KIRREL3: variants seen among roughly 807,000 people sequenced by gnomAD.
KIRREL3 encodes kirre like nephrin family adhesion molecule 3, also known as kin of IRRE-like protein 3.
In KIRREL3, 36 loss-of-function variants were observed where a neutral mutation model predicts 89.7. The observed-to-expected ratio is 0.40, with a 90% confidence interval of 0.31 to 0.53. The LOEUF is 0.53. Among genes scored for constraint, KIRREL3 ranks in the 20% least tolerant of loss-of-function variants. The pLI is 0.49. For synonymous variants in KIRREL3, 445 were observed against 441.4 expected (o/e 1.01, Z -0.10); for missense variants, 864 against 1,056.6 (o/e 0.82, Z 2.53).
At position 126,965,129 on chromosome 11, in the gene KIRREL3, A is replaced by G. The variant is rs1157614069; in HGVS notation, c.55+35326T>C. 6.6e-6 allele frequency among the ~76,000 whole-genome samples: 1 copy of G among 152,234 alleles called. No homozygotes were observed. Among genetic ancestry groups the G allele is most frequent in the Non-Finnish European group, 1.5e-5 (1 of 68,038 alleles). ...AAAGCGGCTCAAGAACAGAGAGATA[A>G]AATGGAGATAAGTGTGAGTTAGGAG... is the stretch of plus-strand genomic sequence containing the variant. On this transcript the variant is annotated intron_variant, in intron 1 of 16. Coordinates refer to ENST00000525144, the MANE Select transcript of KIRREL3 (RefSeq NM_032531.4). This position sits in a 1 kb window ranked among gnomAD's most constrained non-coding sequence, Gnocchi z 4.4.
In KIRREL3 at chr11:126,440,463, G is replaced by A. The variant is rs775638535; in HGVS notation, c.1339C>T (p.Pro447Ser). ...QIKCFIRSTP[P>S]PDRIAWSWKE... ...GGAGCACTCACGATGCGGTCCGGCG[G>A]CGGCGTGCTCCGGATGAAGCACTTG... Residue 447 changes from proline to serine, a missense_variant, in exon 11 of 17, where the codon CCG (proline) becomes TCG (serine). Transcript: ENST00000525144. The A allele has an allele frequency of 1.7e-4, 272 of 1,581,756 alleles. 1 individual carries two copies. The highest frequency in any genetic ancestry group is 2.3e-4 in the Non-Finnish European group (268 of 1,164,822).
Position 126,537,448 on chromosome 11 carries a change from A to G in KIRREL3, c.134-10761T>C, listed in dbSNP as rs1198908700. Among the ~76,000 whole-genome samples, 1 of 152,200 alleles carries G rather than the reference A, an allele frequency of 6.6e-6. No homozygotes were observed. The highest frequency in any genetic ancestry group is 6.5e-5 in the Admixed American group (1 of 15,286). On this transcript the variant is annotated intron_variant, in intron 2 of 16. Transcript: ENST00000525144. This position sits in a 1 kb window ranked among gnomAD's most constrained non-coding sequence, Gnocchi z 4.3. ...GGAGGAAGCAGAGAAGGCATCCTGG[A>G]GGAGGAATCATAATATGGGGAAAGT...
chr11:126,461,953 G>A (rs552839939), intron 6 of KIRREL3, among the ~76,000 whole-genome samples: 18 of 152,214 alleles, frequency 1.2e-4, no homozygotes, highest in African/African-American at 4.1e-4. Flanking sequence ...TTGCAGTAGC[G>A]TTATGTTTGG....
In KIRREL3 at chr11:126,710,629, G is replaced by T. The variant is rs1357115499; in HGVS notation, c.56-147717C>A. Among the ~76,000 whole-genome samples, 1 of 152,146 alleles carries T rather than the reference G, an allele frequency of 6.6e-6. No individual in the cohort carries two copies. Among genetic ancestry groups the T allele is most frequent in the African/African-American group, 2.4e-5 (1 of 41,430 alleles). The stretch of plus-strand genomic sequence containing the variant: ...GGCAGGCACCCCTTCTCTGTCCTCA[G>T]CTGGGGACCCCTCTCATCCCACTTG... On this transcript the variant is annotated intron_variant, in intron 1 of 16. Transcript: ENST00000525144. The surrounding 1 kb of genome is among the most constrained non-coding windows in gnomAD (Gnocchi z 4.2).
In KIRREL3 at chr11:126,562,259, G is replaced by A. The variant is rs550035335; in HGVS notation, c.133+576C>T. Among the ~76,000 whole-genome samples, 18 of 152,200 alleles carry A rather than the reference G, an allele frequency of 1.2e-4. No homozygotes were observed. Among genetic ancestry groups the A allele is most frequent in the South Asian group, 6.2e-4 (3 of 4,814 alleles). On this transcript the variant is annotated intron_variant, in intron 2 of 16. Coordinates refer to ENST00000525144, the MANE Select transcript of KIRREL3 (RefSeq NM_032531.4). This position sits in a 1 kb window ranked among gnomAD's most constrained non-coding sequence, Gnocchi z 4.7. The stretch of plus-strand genomic sequence containing the variant: ...ATGCCAATGTCAACACGTTTCTCAA[G>A]CCTTCAGTGACCCAATGAAGCCAGT...
At chr11:126,533,227 G>T (rs1958996575) in intron 2 of KIRREL3, among the ~76,000 whole-genome samples, 1 of 152,184 alleles carries the variant, frequency 6.6e-6, no homozygotes, top group Admixed American at 6.5e-5. Context: ...TGAAGATGAG[G>T]TTGTCTGGGG....
chr11:126,736,616 C>G lies in KIRREL3; in HGVS notation c.56-173704G>C, dbSNP rs1000599354. ...GAGTAGGGGTACCTGCTCCTGGCCT[C>G]CAGTGAGGAGCCCAGGGTGCTGCTA... On this transcript the variant is annotated intron_variant, in intron 1 of 16. Transcript: ENST00000525144. The surrounding 1 kb of genome is among the most constrained non-coding windows in gnomAD (Gnocchi z 5.0). Among the ~76,000 whole-genome samples the G allele has an allele frequency of 6.6e-6, 1 of 152,092 alleles. No homozygotes were observed.
chr11:126,895,714 G>A (rs899014674), intron 1 of KIRREL3, among the ~76,000 whole-genome samples: 4 of 152,140 alleles, frequency 2.6e-5, no homozygotes, highest in Admixed American at 6.5e-5. Flanking sequence ...TGCATGGAGT[G>A]TTGCATTCCC....
At position 126,537,647 on chromosome 11, in the gene KIRREL3, G is replaced by A. The variant is rs117932367; in HGVS notation, c.134-10960C>T. ...CAGTCAGCCCTAGGAAGGAACTCTG[G>A]CCCTGTACCTAGCAGTGTGATCTGA... On this transcript the variant is annotated intron_variant, in intron 2 of 16. Transcript: ENST00000525144. The surrounding 1 kb of genome is among the most constrained non-coding windows in gnomAD (Gnocchi z 4.3). 0.014 allele frequency among the ~76,000 whole-genome samples: 2,080 copies of A among 152,250 alleles called. 28 individuals carry two copies. Among genetic ancestry groups the A allele is most frequent in the Middle Eastern group, 0.024 (7 of 294 alleles).
chr11:126,510,139 G>C (rs2134394192), intron 4 of KIRREL3, among the ~76,000 whole-genome samples: 1 of 152,180 alleles, frequency 6.6e-6, no homozygotes, highest in South Asian at 2.1e-4. Flanking sequence ...AAACTGCTCT[G>C]GGGACAGCTG....
At chr11:126,864,427 G>T (rs1944853012) in intron 1 of KIRREL3, among the ~76,000 whole-genome samples, 1 of 152,220 alleles carries the variant, frequency 6.6e-6, no homozygotes, top group South Asian at 2.1e-4. Context: ...CAGTATGCCT[G>T]CCTGGCCATG....
Position 126,976,622 on chromosome 11 carries a change from T to A in KIRREL3, c.55+23833A>T, listed in dbSNP as rs1351610529. On this transcript the variant is annotated intron_variant, in intron 1 of 16. Coordinates refer to ENST00000525144, the MANE Select transcript of KIRREL3 (RefSeq NM_032531.4). The surrounding 1 kb of genome is among the most constrained non-coding windows in gnomAD (Gnocchi z 4.2). ...AAGTTAATTTTGTTGAATCTAGTAA[T>A]CAGATTTGTTTTAAACATACCATAA... 6.6e-6 allele frequency among the ~76,000 whole-genome samples: 1 copy of A among 152,254 alleles called. No individual in the cohort carries two copies.
chr11:126,630,959 C>T (rs1200447645), intron 1 of KIRREL3, among the ~76,000 whole-genome samples: 3 of 152,154 alleles, frequency 2.0e-5, no homozygotes, highest in Non-Finnish European at 4.4e-5. Flanking sequence ...GAGACAGAGG[C>T]CCTTTCTCCT....
In KIRREL3 at chr11:126,653,747, G is replaced by A. The variant is rs1228152712; in HGVS notation, c.56-90835C>T. 1.3e-5 allele frequency among the ~76,000 whole-genome samples: 2 copies of A among 152,158 alleles called. No homozygotes were observed. Among genetic ancestry groups the A allele is most frequent in the Admixed American group, 6.5e-5 (1 of 15,280 alleles). On this transcript the variant is annotated intron_variant, in intron 1 of 16. Coordinates refer to ENST00000525144, the MANE Select transcript of KIRREL3 (RefSeq NM_032531.4). The surrounding 1 kb of genome is among the most constrained non-coding windows in gnomAD (Gnocchi z 5.4). The stretch of plus-strand genomic sequence containing the variant: ...GCTGAGGCCAAGCCCCAAAGTTCAC[G>A]GACATTCCATAAAAAGTGCACGGTG...
rs559790431 is a variant in KIRREL3, at chr11:126,896,978, T to C, written c.55+103477A>G. On this transcript the variant is annotated intron_variant, in intron 1 of 16. Coordinates refer to ENST00000525144, the MANE Select transcript of KIRREL3 (RefSeq NM_032531.4). The surrounding 1 kb of genome is among the most constrained non-coding windows in gnomAD (Gnocchi z 4.1). ...CTAAGACTTTGCAGAATCAAAAGAT[T>C]CTAAGAAGAGGCCAGGGAAAGAGCA... Among the ~76,000 whole-genome samples, 1 of 152,266 alleles carries C rather than the reference T, an allele frequency of 6.6e-6. No homozygotes were observed. The highest frequency in any genetic ancestry group is 2.1e-4 in the South Asian group (1 of 4,820).
intron 8 of KIRREL3, among the ~76,000 whole-genome samples, chr11:126,448,014 C>T (rs1207006919): frequency 5.9e-5 from 9 of 152,168 alleles, no homozygotes; most frequent in South Asian, 4.1e-4. Context: ...TGGGCAGGTG[C>T]GGTGGCTCAT....
At chr11:126,799,390 CTG>C (rs1185230115) in intron 1 of KIRREL3, among the ~76,000 whole-genome samples, 3 of 4,284 alleles carry the variant, frequency 7.0e-4, no homozygotes, top group Non-Finnish European at 1.2e-3. Context: ...ATGCGTGTAT[CTG>C]TGTGTGCATC....
chr11:126,648,488 C>T (rs900781436), intron 1 of KIRREL3, among the ~76,000 whole-genome samples: 18 of 152,306 alleles, frequency 1.2e-4, no homozygotes, highest in African/African-American at 2.9e-4. Context: ...GTGCACCCCA[C>T]GCCTATAGGA....
chr11:126,949,489 G>A (rs1173264709), intron 1 of KIRREL3, among the ~76,000 whole-genome samples: 1 of 152,210 alleles, frequency 6.6e-6, no homozygotes, highest in Non-Finnish European at 1.5e-5. Flanking sequence ...CCCATGGAGG[G>A]ACACAAAGAT....
Sources: gnomAD v4.1 joint callset for allele counts (sites outside exome capture counted in the v4.1 genomes callset) on GRCh38, gnomAD v4.1.1 for gene constraint, Gnocchi (gnomAD v3.1) non-coding constraint, MANE v1.5 for transcripts, NCBI Gene and HGNC (gene_info 2026-07-23, HGNC 2026-07-21) for gene names.